Variants in NKAIN3 observed in about 807,000 individuals in gnomAD.
The protein encoded by NKAIN3 is sodium/potassium-transporting ATPase subunit beta-1-interacting protein 3.
A neutral mutation model predicts 30.2 loss-of-function variants in NKAIN3; 25 were observed. The observed-to-expected ratio is 0.83, with a 90% CI of 0.60 to 1.16. The LOEUF (loss-of-function observed/expected upper bound fraction) is 1.16. NKAIN3 is among the 50% of genes most tolerant of loss of function. The pLI, the probability that NKAIN3 is intolerant of heterozygous loss-of-function variation, is 0.00. For synonymous variants in NKAIN3, 91 were observed against 89.6 expected (o/e 1.02, Z -0.09); for missense variants, 225 against 254.1 (o/e 0.89, Z 0.78).
chr8:62,456,441 C>T (rs905194449), intron 1 of NKAIN3, among the ~76,000 whole-genome samples: 2 of 151,920 alleles, frequency 1.3e-5, no homozygotes, highest in Non-Finnish European at 2.9e-5. Flanking sequence ...ATGGCGTGAA[C>T]CTGTGAGGCA....
intron 3 of NKAIN3, among the ~76,000 whole-genome samples, chr8:62,722,297 A>C (rs1181440669): frequency 2.0e-5 from 3 of 152,212 alleles, no homozygotes; most frequent in Non-Finnish European, 4.4e-5. Context: ...AGTAACAATA[A>C]AATCATTCAT....
intron 4 of NKAIN3, among the ~76,000 whole-genome samples, chr8:62,810,977 C>T (rs1007465246): frequency 1.3e-5 from 2 of 152,090 alleles, no homozygotes; most frequent in African/African-American, 4.8e-5. Context: ...GTTATTGCAG[C>T]TAACATACTG....
intron 1 of NKAIN3, among the ~76,000 whole-genome samples, chr8:62,539,878 C>T (rs1231626605): frequency 6.6e-6 from 1 of 152,158 alleles, no homozygotes; most frequent in Non-Finnish European, 1.5e-5. Flanking sequence ...TTTACCTAGC[C>T]AGGTGCTTTT....
At chr8:62,847,153 C>T (rs10282877) in intron 4 of NKAIN3, among the ~76,000 whole-genome samples, 108,547 of 151,974 alleles carry the variant, frequency 0.71, 39,490 homozygotes, top group Non-Finnish European at 0.8. Context: ...AACACACACA[C>T]GCATGTATCT....
chr8:62,593,327 C>A (rs751418726), intron 3 of NKAIN3, among the ~76,000 whole-genome samples: 100 of 151,028 alleles, frequency 6.6e-4, no homozygotes, highest in Non-Finnish European at 3.1e-4. Context: ...AATAAAAGTA[C>A]AAAATTAAAG....
chr8:62,561,488 C>T (rs192807366), intron 1 of NKAIN3, among the ~76,000 whole-genome samples: 2 of 152,212 alleles, frequency 1.3e-5, no homozygotes, highest in East Asian at 1.9e-4. Flanking sequence ...ACTTTATAAA[C>T]TCCACATGTG....
At chr8:62,280,021 C>A (rs1563916983) in intron 1 of NKAIN3, among the ~76,000 whole-genome samples, 2 of 152,156 alleles carry the variant, frequency 1.3e-5, no homozygotes, top group South Asian at 2.1e-4. Context: ...GAATGTTCTT[C>A]CATTTGTTTG....
rs1184958679 is a variant in NKAIN3, at chr8:62,968,620, TGCTCTTTA to T, written c.*3217_*3224del. Among the ~76,000 whole-genome samples the T allele has an allele frequency of 1.3e-5, 2 of 152,210 alleles. No homozygotes were observed. Among genetic ancestry groups the T allele is most frequent in the Non-Finnish European group, 2.9e-5 (2 of 68,042 alleles). On this transcript the variant is annotated 3_prime_UTR_variant, in exon 7 of 7. Coordinates refer to ENST00000623646, the MANE Select transcript of NKAIN3 (RefSeq NM_001304533.3). ...GCAAAACTGAAGATAGGACATCCAC[TGCTCTTTA>T]GCTTCTAGTGCTGACTGGAATGGTG...
intron 2 of NKAIN3, among the ~76,000 whole-genome samples, chr8:62,588,950 A>T (rs7842072): frequency 0.058 from 8,863 of 151,900 alleles, 903 homozygotes; most frequent in African/African-American, 0.2. Flanking sequence ...TAGTCCAATC[A>T]TTGATTCTCC....
At chr8:62,703,747 T>C (rs573047796) in intron 3 of NKAIN3, among the ~76,000 whole-genome samples, 1 of 152,338 alleles carries the variant, frequency 6.6e-6, no homozygotes, top group Non-Finnish European at 1.5e-5. Flanking sequence ...ATGTTTAATG[T>C]ATTTTTATTT....
rs148035911 is a variant in NKAIN3, at chr8:62,256,077, G to T, written c.54+6950G>T. ...AGTTTCTGAAGGTCAGTTGAGAGCCGAGTTAGCTGAGTTGCCACTCTAAAT... is the reference window on the plus strand; with the variant it reads ...AGTTTCTGAAGGTCAGTTGAGAGCCTAGTTAGCTGAGTTGCCACTCTAAAT... On this transcript the variant is annotated intron_variant, in intron 1 of 6. Transcript: ENST00000623646. 2.0e-5 allele frequency among the ~76,000 whole-genome samples: 3 copies of T among 152,156 alleles called. No homozygotes were observed. In the East Asian group the frequency reaches 5.8e-4, roughly 29 times the overall value.
chr8:62,370,024 C>T (rs867625064), intron 1 of NKAIN3, among the ~76,000 whole-genome samples: 48 of 152,038 alleles, frequency 3.2e-4, no homozygotes, highest in South Asian at 8.3e-4. Flanking sequence ...TTTTGGCTTG[C>T]CTAACAGTTC....
intron 5 of NKAIN3, among the ~76,000 whole-genome samples, chr8:62,992,819 T>C (rs72656600): frequency 0.022 from 3,381 of 150,536 alleles, 64 homozygotes; most frequent in South Asian, 0.03. Flanking sequence ...AGGCAAGATT[T>C]TTTTCTGGTT....
At chr8:62,987,755 T>A (rs11994355), downstream of NKAIN3, among the ~76,000 whole-genome samples, 27,569 of 151,976 alleles carry the variant, frequency 0.18, 2,598 homozygotes, top group East Asian at 0.38. Flanking sequence ...ATTCTGCCGC[T>A]GCCCCTCCCA....
rs61464287 is a variant in NKAIN3, at chr8:62,995,211, C to A, written c.533-4020C>A. Among the ~76,000 whole-genome samples, 110 of 152,268 alleles carry A rather than the reference C, an allele frequency of 7.2e-4. 3 individuals carry two copies. In the East Asian group the frequency reaches 0.019, roughly 27 times the overall value. ...CAGATGGCTTATGTATATCTGAGAG[C>A]ATTTTAATATTAAGCAAATAAACCC... On this transcript the variant is annotated intron_variant, in intron 5 of 5. Coordinates refer to the NKAIN3 transcript ENST00000519049.
rs536274797 is a variant in NKAIN3, at chr8:62,856,824, G to A, written c.472-61629G>A. The A allele has an allele frequency of 1.1e-4, 65 of 611,858 alleles. No homozygotes were observed. In the South Asian group the frequency reaches 1.1e-3, roughly 10 times the overall value. 37.9% of individuals were successfully genotyped at this position (611,858 alleles called of 1,614,324 possible). A position where few individuals can be genotyped will look rare whatever the true frequency, so the allele number is the denominator to read the frequency against. ...AATCTTTGTCTTTCTCTGCACTATA[G>A]AGCATCACTGCCAAGAGATCTCAAA... is the stretch of plus-strand genomic sequence containing the variant. On this transcript the variant is annotated intron_variant, in intron 4 of 6. Coordinates refer to ENST00000623646, the MANE Select transcript of NKAIN3 (RefSeq NM_001304533.3).
At chr8:62,598,708 C>A (rs1416212608) in intron 3 of NKAIN3, among the ~76,000 whole-genome samples, 2 of 151,912 alleles carry the variant, frequency 1.3e-5, no homozygotes, top group Admixed American at 6.6e-5. Flanking sequence ...TTCTAATTCA[C>A]GTAGAAGGGA....
chr8:62,919,801 G>A (rs1411590061), intron 5 of NKAIN3, among the ~76,000 whole-genome samples: 1 of 152,018 alleles, frequency 6.6e-6, no homozygotes, highest in Non-Finnish European at 1.5e-5. Flanking sequence ...ATCTGATGGG[G>A]TCTTGTCTCA....
At chr8:62,687,506 GT>G (rs1563516551) in intron 3 of NKAIN3, among the ~76,000 whole-genome samples, 1 of 152,124 alleles carries the variant, frequency 6.6e-6, no homozygotes, top group African/African-American at 2.4e-5. Context: ...TCCAGACAAT[GT>G]TTTGCTGGGT....
Sources: allele counts gnomAD v4.1 joint callset (sites outside exome capture counted in the v4.1 genomes callset), GRCh38; gene constraint gnomAD v4.1.1; transcripts MANE v1.5; gene names NCBI Gene and HGNC (gene_info 2026-07-23, HGNC 2026-07-21).